PPARGC1A: variants seen among roughly 807,000 people sequenced by gnomAD.
PPARGC1A encodes peroxisome proliferator-activated receptor gamma coactivator 1-alpha.
Under a neutral mutation model 88.7 loss-of-function variants are expected in PPARGC1A, and 25 were observed. The observed-to-expected ratio is 0.28, with a 90% confidence interval of 0.21 to 0.39. PPARGC1A has a LOEUF of 0.39. Ranked by LOEUF, PPARGC1A falls within the 10% of genes least tolerant of loss-of-function variation. PPARGC1A has a pLI of 1.00. For synonymous variants in PPARGC1A, 363 were observed against 355.6 expected (o/e 1.02, Z -0.24); for missense variants, 880 against 968.7 (o/e 0.91, Z 1.22).
At chr4:23,982,766 C>G in the PPARGC1A span, among the ~76,000 whole-genome samples, 1 of 152,104 alleles carries the variant, frequency 6.6e-6, no homozygotes, top group Non-Finnish European at 1.5e-5. Context: ...TTAAAACACT[C>G]ACATGGAGAG....
At chr4:24,333,866 G>C in the PPARGC1A span, among the ~76,000 whole-genome samples, 1 of 147,384 alleles carries the variant, frequency 6.8e-6, no homozygotes, top group East Asian at 2.1e-4. Flanking sequence ...CCTGGGAGGT[G>C]CTGGTTGCAG....
chr4:24,438,366 T>C, the PPARGC1A span, among the ~76,000 whole-genome samples: 1 of 152,270 alleles, frequency 6.6e-6, no homozygotes, highest in African/African-American at 2.4e-5. Context: ...GAGGGTATGA[T>C]ACTAGAGAAG....
chr4:24,249,382 G>A, the PPARGC1A span, among the ~76,000 whole-genome samples: 1 of 152,018 alleles, frequency 6.6e-6, no homozygotes, highest in Non-Finnish European at 1.5e-5. Context: ...TCACCGTGAC[G>A]ACTATTTTAA....
chr4:23,813,153 G>T (rs746567544), intron 8 of PPARGC1A, 28 bp from the exon 9 acceptor site: 57 of 1,604,298 alleles, frequency 3.6e-5, no homozygotes, highest in Non-Finnish European at 4.6e-5. Context: ...AGCAAAAAGG[G>T]CATTTGCAAC....
At chr4:23,957,396 C>T in the PPARGC1A span, among the ~76,000 whole-genome samples, 1 of 151,978 alleles carries the variant, frequency 6.6e-6, no homozygotes, top group African/African-American at 2.4e-5. Context: ...TAAAACTACC[C>T]TTGGTAGGTA....
intron 10 of PPARGC1A, among the ~76,000 whole-genome samples, chr4:23,808,366 C>T (rs540298410): frequency 6.6e-6 from 1 of 152,088 alleles, no homozygotes; most frequent in South Asian, 2.1e-4. Context: ...GGACACTGAC[C>T]AACAGAGAAG....
the PPARGC1A span, among the ~76,000 whole-genome samples, chr4:24,208,682 A>AAAAAAATAT: frequency 1.1e-3 from 154 of 134,946 alleles, no homozygotes; most frequent in South Asian, 4.8e-3. Context: ...TCAGAAAAAA[A>AAAAAAATAT]ATATATATAT....
At chr4:24,399,810 A>T in the PPARGC1A span, among the ~76,000 whole-genome samples, 2 of 147,938 alleles carry the variant, frequency 1.4e-5, no homozygotes, top group Admixed American at 6.7e-5. Context: ...TTTTTTTGAG[A>T]CAGAGTCTTA....
the PPARGC1A span, among the ~76,000 whole-genome samples, chr4:24,270,432 T>C: frequency 6.6e-6 from 1 of 152,052 alleles, no homozygotes; most frequent in Non-Finnish European, 1.5e-5. Context: ...AGAACCAGCA[T>C]ATACATTATT....
chr4:24,297,583 A>G, the PPARGC1A span, among the ~76,000 whole-genome samples: 1 of 152,218 alleles, frequency 6.6e-6, no homozygotes, highest in Admixed American at 6.5e-5. Flanking sequence ...ATTCATTACC[A>G]TAAACTCAAG....
chr4:23,925,332 G>A, the PPARGC1A span, among the ~76,000 whole-genome samples: 4 of 152,202 alleles, frequency 2.6e-5, no homozygotes, highest in South Asian at 4.1e-4. Flanking sequence ...ACCAATCCCC[G>A]CAGGCCATGT....
the PPARGC1A span, among the ~76,000 whole-genome samples, chr4:23,979,478 G>A: frequency 5.3e-5 from 8 of 152,054 alleles, no homozygotes; most frequent in South Asian, 2.1e-4. Context: ...AAGTCTGCTC[G>A]GCTTACAATT....
chr4:23,932,660 G>A, the PPARGC1A span, among the ~76,000 whole-genome samples: 1 of 151,756 alleles, frequency 6.6e-6, no homozygotes, highest in East Asian at 1.9e-4. Flanking sequence ...TTTGAAAAAT[G>A]AGAAATAAAA....
chr4:23,878,716 G>C (rs1018562869), intron 2 of PPARGC1A, among the ~76,000 whole-genome samples: 1 of 152,148 alleles, frequency 6.6e-6, no homozygotes, highest in African/African-American at 2.4e-5. Flanking sequence ...AAGATAAGCC[G>C]ACAGGAGAGG....
chr4:24,028,708 A>T, the PPARGC1A span, among the ~76,000 whole-genome samples: 1 of 152,108 alleles, frequency 6.6e-6, no homozygotes, highest in African/African-American at 2.4e-5. Context: ...AACATGGGGG[A>T]AATAAGCCTC....
At chr4:24,414,328 G>T in the PPARGC1A span, among the ~76,000 whole-genome samples, 391 of 152,282 alleles carry the variant, frequency 2.6e-3, 2 homozygotes, top group African/African-American at 8.9e-3. Context: ...GGAATAGTGG[G>T]TGCCTAACCA....
At chr4:24,136,275 T>C in the PPARGC1A span, among the ~76,000 whole-genome samples, 1 of 152,278 alleles carries the variant, frequency 6.6e-6, no homozygotes, top group East Asian at 1.9e-4. Context: ...CATTCAAAGG[T>C]AATAAGTCCA....
chr4:23,834,151 T>A (rs1725570017), intron 2 of PPARGC1A, among the ~76,000 whole-genome samples: 1 of 152,098 alleles, frequency 6.6e-6, no homozygotes, highest in Admixed American at 6.5e-5. Flanking sequence ...TACAAAAAAA[T>A]TAGCCAGGCG....
chr4:23,836,504 A>G (rs16874219), intron 2 of PPARGC1A, among the ~76,000 whole-genome samples: 2,976 of 152,342 alleles, frequency 0.02, 108 homozygotes, highest in African/African-American at 0.068. Context: ...GATGATACAC[A>G]TGCATTTATA....
Sources: allele counts gnomAD v4.1 joint callset (sites outside exome capture counted in the v4.1 genomes callset), GRCh38; gene constraint gnomAD v4.1.1; transcripts MANE v1.5; gene names NCBI Gene and HGNC (gene_info 2026-07-23, HGNC 2026-07-21).